DGKZ: variants seen among roughly 807,000 people sequenced by gnomAD.
DGKZ encodes diacylglycerol kinase zeta.
Under a neutral mutation model 142.5 loss-of-function variants are expected in DGKZ, and 45 were observed. The ratio of observed to expected loss-of-function variants is 0.32; its 90% CI spans 0.25 to 0.40. DGKZ has a LOEUF of 0.40. Among genes scored for constraint, DGKZ ranks in the 10% least tolerant of loss-of-function variants. The probability of loss-of-function intolerance (pLI) is 1.00; values close to 1 mark genes in which losing one functional copy is unlikely to be tolerated. For missense variants in DGKZ, 755 were observed against 1,306.5 expected (o/e 0.58, Z 6.51); for synonymous variants, 442 against 527.0 (o/e 0.84, Z 2.21).
intron 1 of DGKZ, among the ~76,000 whole-genome samples, chr11:46,352,849 G>T (rs1941578066): frequency 6.6e-6 from 1 of 152,256 alleles, no homozygotes; most frequent in South Asian, 2.1e-4. Context: ...CATCCAGCCT[G>T]CAGTGTGGGT....
In DGKZ at chr11:46,378,275, G is replaced by A. The variant is rs762137142; in HGVS notation, c.2374+46G>A. The A allele has an allele frequency of 3.8e-6, 6 of 1,583,838 alleles. No individual in the cohort carries two copies. The Admixed American group carries it at 7.1e-5, about 19-fold the overall frequency. On this transcript the variant is annotated intron_variant, in intron 26 of 30. Coordinates refer to ENST00000527911, the Ensembl canonical transcript of DGKZ. ...GCCCCTCCTTTCTGCCTGGTTGGGG[G>A]CAGGAGGCTCAGTGGGGTGGGGATA...
intron 1 of DGKZ, among the ~76,000 whole-genome samples, chr11:46,337,417 T>C (rs1428601970): frequency 1.3e-5 from 2 of 149,020 alleles, no homozygotes; most frequent in East Asian, 4.1e-4. Flanking sequence ...TGCCTCAGCC[T>C]GCCAAGTAGC....
At chr11:46,371,235 A>G in intron 6 of DGKZ, 78 bp from the exon 7 acceptor site, 1 of 1,408,002 alleles carries the variant, frequency 7.1e-7, no homozygotes, top group Non-Finnish European at 9.9e-7. Context: ...CTGGGTGGAG[A>G]GAGGCTGGCA....
intron 1 of DGKZ, among the ~76,000 whole-genome samples, chr11:46,362,958 C>T (rs563668368): frequency 2.2e-3 from 341 of 152,314 alleles, no homozygotes; most frequent in African/African-American, 7.7e-3. Flanking sequence ...TGATGGGGTC[C>T]CCTGAGTCCT....
chr11:46,370,724 CAGG>C (rs1943847718), intron 6 of DGKZ, among the ~76,000 whole-genome samples: 1 of 152,122 alleles, frequency 6.6e-6, no homozygotes, highest in African/African-American at 2.4e-5. Context: ...TTCAGGGAGT[CAGG>C]GGGCCCGGGC....
exon 6 of DGKZ, chr11:46,369,962 T>C: frequency 6.2e-7 from 1 of 1,613,608 alleles, no homozygotes; most frequent in Non-Finnish European, 8.5e-7. Flanking sequence ...ACGGCACCAC[T>C]GGGTACACAG....
chr11:46,376,057 G>A lies in DGKZ; in HGVS notation c.2012-9G>A, dbSNP rs950945577. The stretch of plus-strand genomic sequence containing the variant: ...GCAGCCAGCTGCTGACAGGTGCTCT[G>A]TTCTCCAGCTGTGCCGCTGGGCACT... On this transcript the variant is annotated splice_polypyrimidine_tract_variant and intron_variant, in intron 21 of 30. Coordinates refer to ENST00000527911, the Ensembl canonical transcript of DGKZ. 14 of 1,612,100 alleles carry A rather than the reference G, an allele frequency of 8.7e-6. No individual in the cohort carries two copies. Among genetic ancestry groups the A allele is most frequent in the South Asian group, 4.4e-5 (4 of 91,048 alleles).
intron 1 of DGKZ, chr11:46,333,559 G>C (rs1006834830): frequency 3.0e-5 from 41 of 1,383,994 alleles, no homozygotes; most frequent in Non-Finnish European, 3.9e-5. Context: ...TTGCACAAAC[G>C]TTTATTGTGC....
chr11:46,365,445 GA>G, intron 1 of DGKZ: 1 of 985,432 alleles, frequency 1.0e-6, no homozygotes. Flanking sequence ...CACACACCCA[GA>G]ATCCAGAAGG....
intron 1 of DGKZ, among the ~76,000 whole-genome samples, chr11:46,333,870 G>A (rs1161537930): frequency 6.6e-6 from 1 of 152,278 alleles, no homozygotes; most frequent in South Asian, 2.1e-4. Context: ...GAGCTTTCCC[G>A]TGGGCTGAGT....
chr11:46,366,677 C>T (rs752886810), intron 1 of DGKZ: 1 of 1,582,030 alleles, frequency 6.3e-7, no homozygotes, highest in South Asian at 1.1e-5. Flanking sequence ...CACCAAGACA[C>T]CAGGGCCACC....
chr11:46,353,072 G>T (rs923348353), intron 1 of DGKZ, among the ~76,000 whole-genome samples: 1 of 152,230 alleles, frequency 6.6e-6, no homozygotes, highest in African/African-American at 2.4e-5. Flanking sequence ...GAAGAGACAG[G>T]AGTGGCGTTC....
At position 46,367,193 on chromosome 11, in the gene DGKZ, G is replaced by T; in HGVS notation, c.162-98G>T. On this transcript the variant is annotated intron_variant, in intron 1 of 30. Coordinates refer to ENST00000527911, the Ensembl canonical transcript of DGKZ. The surrounding 1 kb of genome is among the most constrained non-coding windows in gnomAD (Gnocchi z 4.1). ...GCTGGGAGGCTCCTCCGCCCTCCCT[G>T]TTGCCGAGGTCACGGAAAGGGCAGA... The T allele has an allele frequency of 7.6e-7, 1 of 1,322,682 alleles. No individual in the cohort carries two copies. Among genetic ancestry groups the T allele is most frequent in the Non-Finnish European group, 1.1e-6 (1 of 940,780 alleles). The allele number at this position is 1,322,682 out of a possible 1,614,324, so 81.9% of individuals were successfully genotyped here. A position where few individuals can be genotyped will look rare whatever the true frequency, so the allele number is the denominator to read the frequency against.
intron 1 of DGKZ, among the ~76,000 whole-genome samples, chr11:46,339,178 C>T (rs1294321542): frequency 6.6e-6 from 1 of 152,214 alleles, no homozygotes; most frequent in Non-Finnish European, 1.5e-5. Flanking sequence ...GTCCACGACT[C>T]CTCAAGGGAG....
At chr11:46,376,864 G>A (rs1944604434) in intron 24 of DGKZ, 1 of 638,028 alleles carries the variant, frequency 1.6e-6, no homozygotes, top group South Asian at 1.9e-5. Flanking sequence ...ATTCTGGTCA[G>A]GCGCCAGCTC....
At chr11:46,378,531 C>T (rs755168904) in intron 27 of DGKZ, 31 bp downstream of exon 27, 15 of 1,612,916 alleles carry the variant, frequency 9.3e-6, no homozygotes, top group Non-Finnish European at 1.2e-5. Flanking sequence ...TTCCTTCCCC[C>T]AGCAGCTCCC....
In DGKZ at chr11:46,347,929, C is replaced by T; in HGVS notation, c.161+109C>T. 1 of 1,241,198 alleles carries T rather than the reference C, an allele frequency of 8.1e-7. No individual in the cohort carries two copies. Among genetic ancestry groups the T allele is most frequent in the South Asian group, 2.9e-5 (1 of 34,534 alleles). The allele number at this position is 1,241,198 out of a possible 1,614,324, so 76.9% of individuals were successfully genotyped here. A position where few individuals can be genotyped will look rare whatever the true frequency, so the allele number is the denominator to read the frequency against. ...GGTCCGGGCCACTTCGGTACTGACA[C>T]TGAGTCGGGGAGAGGCTGGCACCGG... is the stretch of plus-strand genomic sequence containing the variant. On this transcript the variant is annotated intron_variant, in intron 1 of 30. Coordinates refer to ENST00000527911, the Ensembl canonical transcript of DGKZ. The surrounding 1 kb of genome is among the most constrained non-coding windows in gnomAD (Gnocchi z 6.4).
chr11:46,366,366 C>A lies in DGKZ; in HGVS notation c.162-925C>A, dbSNP rs764529340. On this transcript the variant is annotated intron_variant, in intron 1 of 30. Transcript: ENST00000527911. ...CCCACAGGCAAGGCCCGGCGTCGCT[C>A]CCCCGCTGGGCAGGCCTCCTCCTCA... 5.3e-6 allele frequency: 8 copies of A among 1,522,200 alleles called. No individual in the cohort carries two copies. Among genetic ancestry groups the A allele is most frequent in the Middle Eastern group, 1.9e-4 (1 of 5,378 alleles). The allele number at this position is 1,522,200 out of a possible 1,614,324, so 94.3% of individuals were successfully genotyped here.
At chr11:46,359,770 ATT>A (rs779825781) in intron 1 of DGKZ, among the ~76,000 whole-genome samples, 307 of 129,002 alleles carry the variant, frequency 2.4e-3, no homozygotes, top group African/African-American at 7.2e-3. Flanking sequence ...TGCCCGGCTA[ATT>A]TTTTTTTTTT....
Sources: gnomAD v4.1 joint callset for allele counts (sites outside exome capture counted in the v4.1 genomes callset) on GRCh38, gnomAD v4.1.1 for gene constraint, Gnocchi (gnomAD v3.1) non-coding constraint, MANE v1.5 for transcripts, NCBI Gene and HGNC (gene_info 2026-07-23, HGNC 2026-07-21) for gene names.